Variants in SNX10 observed in about 807,000 individuals in gnomAD.
SNX10 encodes sorting nexin-10.
Under a neutral mutation model 28.5 loss-of-function variants are expected in SNX10, and 25 were observed. The ratio of observed to expected loss-of-function variants is 0.88; its 90% confidence interval spans 0.64 to 1.22. The LOEUF (loss-of-function observed/expected upper bound fraction) is 1.22. SNX10 is among the 50% of genes most tolerant of loss of function. The pLI is 0.00. For missense variants in SNX10, 223 were observed against 242.6 expected (o/e 0.92, Z 0.54); for synonymous variants, 62 against 81.4 (o/e 0.76, Z 1.28).
intron 1 of SNX10, among the ~76,000 whole-genome samples, chr7:26,306,101 G>A (rs1004287401): frequency 1.4e-4 from 21 of 150,050 alleles, no homozygotes; most frequent in African/African-American, 5.2e-4. Context: ...ACGGGTTTTC[G>A]CCAGGTTGGC....
chr7:26,359,560 G>A (rs1788980965), intron 2 of SNX10, among the ~76,000 whole-genome samples: 1 of 152,058 alleles, frequency 6.6e-6, no homozygotes. Context: ...GAGTAAATAA[G>A]TTATACTTAA....
chr7:26,350,572 T>G (rs1448077998), intron 2 of SNX10, among the ~76,000 whole-genome samples: 5 of 152,142 alleles, frequency 3.3e-5, no homozygotes, highest in Non-Finnish European at 7.4e-5. Context: ...TAGGATCCTG[T>G]GATGCTGGGT....
At chr7:26,302,776 GGGTGGTTCATGCCT>G (rs1786426232) in intron 1 of SNX10, among the ~76,000 whole-genome samples, 1 of 152,110 alleles carries the variant, frequency 6.6e-6, no homozygotes, top group Non-Finnish European at 1.5e-5. Context: ...TGGCCTGGCA[GGGTGGTTCATGCCT>G]GTAATCCCAG....
In SNX10 at chr7:26,360,179, C is replaced by T. The variant is rs13229384; in HGVS notation, c.25-796C>T. Among the ~76,000 whole-genome samples the T allele has an allele frequency of 5.9e-3, 898 of 152,270 alleles. 4 individuals are homozygous for T. Among genetic ancestry groups the T allele is most frequent in the Non-Finnish European group, 9.2e-3 (625 of 68,020 alleles). On this transcript the variant is annotated intron_variant, in intron 2 of 6. Coordinates refer to ENST00000338523, the MANE Select transcript of SNX10 (RefSeq NM_013322.3). The stretch of plus-strand genomic sequence containing the variant: ...TATTAATAAGTTATTATCGCTTATT[C>T]TCATGTGGCTGGGATGCATGCACAA...
At chr7:26,366,048 A>G (rs1789277613) in intron 5 of SNX10, among the ~76,000 whole-genome samples, 1 of 152,224 alleles carries the variant, frequency 6.6e-6, no homozygotes, top group African/African-American at 2.4e-5. Context: ...GCACTTAGAC[A>G]TGAGACAGCT....
At chr7:26,350,557 T>C (rs1341195160) in intron 2 of SNX10, among the ~76,000 whole-genome samples, 2 of 152,212 alleles carry the variant, frequency 1.3e-5, no homozygotes, top group African/African-American at 4.8e-5. Flanking sequence ...ATAAATAATA[T>C]TAGCTAGGAT....
At position 26,374,227 on chromosome 7, in the gene SNX10, A is replaced by G. The variant is rs539690148; in HGVS notation, c.*1655A>G. 6.6e-6 allele frequency: 1 copy of G among 152,162 alleles called. No individual in the cohort carries two copies. Among genetic ancestry groups the G allele is most frequent in the African/African-American group, 2.4e-5 (1 of 41,574 alleles). The allele number at this position is 152,162 out of a possible 1,614,324, so 9.4% of individuals were successfully genotyped here. The stretch of plus-strand genomic sequence containing the variant: ...TGCCACCAATTGTCATATTATTTTT[A>G]GATGATGTAACATAGCCATCAAAAT... On this transcript the variant is annotated 3_prime_UTR_variant, in exon 7 of 7. Transcript: ENST00000338523.
chr7:26,325,778 A>T (rs1430111555), intron 1 of SNX10, among the ~76,000 whole-genome samples: 2 of 150,340 alleles, frequency 1.3e-5, no homozygotes, highest in Admixed American at 6.7e-5. Flanking sequence ...CCCAGGCTGG[A>T]GTGCAGTGGT....
At chr7:26,323,111 G>T (rs748791129) in intron 1 of SNX10, among the ~76,000 whole-genome samples, 2 of 151,970 alleles carry the variant, frequency 1.3e-5, no homozygotes, top group African/African-American at 4.8e-5. Flanking sequence ...TTAGCCAAGT[G>T]TGGCGGTGTG....
chr7:26,330,810 T>C (rs1002967969), intron 1 of SNX10, among the ~76,000 whole-genome samples: 4 of 151,988 alleles, frequency 2.6e-5, no homozygotes, highest in African/African-American at 9.7e-5. Flanking sequence ...GCTCGAGCCC[T>C]GGAGTTTGAG....
chr7:26,316,260 T>C lies in SNX10; in HGVS notation c.-24+24174T>C, dbSNP rs192563589. The stretch of plus-strand genomic sequence containing the variant: ...CTTGCAGCAGATGACAACTTTGGAT[T>C]CTTGGTCTAGCTTAATTAGTAAATT... On this transcript the variant is annotated intron_variant, in intron 1 of 6. Coordinates refer to ENST00000338523, the MANE Select transcript of SNX10 (RefSeq NM_013322.3). Among the ~76,000 whole-genome samples, 3 of 152,126 alleles carry C rather than the reference T, an allele frequency of 2.0e-5. No individual in the cohort carries two copies. In the East Asian group the frequency reaches 5.8e-4, roughly 29 times the overall value.
At chr7:26,302,839 C>T (rs570570030) in intron 1 of SNX10, among the ~76,000 whole-genome samples, 73 of 152,106 alleles carry the variant, frequency 4.8e-4, no homozygotes, top group African/African-American at 1.7e-3. Context: ...ACCTGAGGCC[C>T]GGAGTTTGAG....
chr7:26,312,424 G>A (rs894215066), intron 1 of SNX10, among the ~76,000 whole-genome samples: 3 of 152,136 alleles, frequency 2.0e-5, no homozygotes, highest in Admixed American at 2.0e-4. Context: ...GAACTCCTAT[G>A]AACCAATAAG....
intron 1 of SNX10, among the ~76,000 whole-genome samples, chr7:26,328,261 G>T (rs1305081490): frequency 6.6e-6 from 1 of 152,154 alleles, no homozygotes; most frequent in Admixed American, 6.5e-5. Flanking sequence ...ATCAATGACA[G>T]TTTCCAGGAT....
At chr7:26,372,463 A>G (rs761964784) in intron 6 of SNX10, 28 bp from the exon 7 acceptor site, 1 of 1,458,654 alleles carries the variant, frequency 6.9e-7, no homozygotes, top group South Asian at 1.1e-5. Context: ...TCCTCTTTTT[A>G]TTATTTTCCC....
intron 1 of SNX10, among the ~76,000 whole-genome samples, chr7:26,338,625 C>T (rs1240284099): frequency 6.6e-6 from 1 of 152,106 alleles, no homozygotes; most frequent in Non-Finnish European, 1.5e-5. Flanking sequence ...AGGATGGTCT[C>T]GATCTCCTGA....
intron 1 of SNX10, among the ~76,000 whole-genome samples, chr7:26,305,096 T>C (rs1786533193): frequency 6.6e-6 from 1 of 152,168 alleles, no homozygotes; most frequent in South Asian, 2.1e-4. Context: ...CCACCACTAC[T>C]ACCATGTGTT....
chr7:26,308,357 A>G (rs1415484099), intron 1 of SNX10, among the ~76,000 whole-genome samples: 3 of 152,112 alleles, frequency 2.0e-5, no homozygotes, highest in Admixed American at 1.3e-4. Flanking sequence ...GGGGGAAGCA[A>G]TGTTGCACCA....
intron 5 of SNX10, among the ~76,000 whole-genome samples, chr7:26,368,802 A>G (rs1789395159): frequency 6.6e-6 from 1 of 152,170 alleles, no homozygotes. Context: ...TTTTTCTTAT[A>G]GTAAGAGCTA....
Sources: gnomAD v4.1 joint callset for allele counts (sites outside exome capture counted in the v4.1 genomes callset) on GRCh38, gnomAD v4.1.1 for gene constraint, MANE v1.5 for transcripts, NCBI Gene and HGNC (gene_info 2026-07-23, HGNC 2026-07-21) for gene names.